The following GADL1 variants were observed in gnomAD, a reference collection of about 807,000 sequenced individuals.
The protein encoded by GADL1 is GAD like acidic amino acid decarboxylase 1.
A neutral mutation model predicts 69.5 loss-of-function variants in GADL1; 71 were observed. The observed-to-expected ratio is 1.02, with a 90% CI of 0.84 to 1.25. The LOEUF is 1.25. GADL1 is among the 50% of genes most tolerant of loss of function. GADL1 has a pLI of 0.00. For synonymous variants in GADL1, 254 were observed against 214.4 expected, an observed-to-expected ratio of 1.18 and a Z score of -1.62; for missense variants, 737 against 631.8, an observed-to-expected ratio of 1.17 and a Z score of -1.79.
intron 1 of GADL1, among the ~76,000 whole-genome samples, chr3:30,880,270 G>A (rs771953826): frequency 6.6e-5 from 10 of 151,804 alleles, no homozygotes; most frequent in South Asian, 2.1e-4. Flanking sequence ...GATGATTTAC[G>A]TATACAGGAG....
intron 8 of GADL1, among the ~76,000 whole-genome samples, chr3:30,842,821 TTAAA>T (rs1207627426): frequency 6.0e-5 from 4 of 66,464 alleles, no homozygotes; most frequent in East Asian, 6.6e-4. Flanking sequence ...ATTGGAATGT[TTAAA>T]AAAAAAAAAA....
rs145794576 is a variant in GADL1, at chr3:30,857,069, G to T, written c.283C>A (p.Pro95Thr). 1.9e-6 allele frequency: 3 copies of T among 1,549,816 alleles called. No individual in the cohort carries two copies. The Admixed American group carries it at 5.9e-5, about 30-fold the overall frequency. The change falls in exon 3 of 15, where the codon CCC (proline) becomes ACC (threonine). Residue 95 changes from proline (P) to threonine (T), a missense_variant. By Grantham distance (38) the Pro-to-Thr change is conservative (BLOSUM62 -1). Transcript: ENST00000282538. ...CGACAGAGTTCCAATAGTTTATGGG[G>T]TGGCTCGCCTGAGTCTCTCATCTCC... is the stretch of plus-strand genomic sequence containing the variant. ...DLEMRDSGEP[P>T]HKLLELCRDV...
Position 30,754,011 on chromosome 3 carries a change from T to TGAG in GADL1, c.1392+24165_1392+24167dup, listed in dbSNP as rs1286349510. ...ATTTTCCCAAGGAGGACTGAGGTGGTGAGGGCTACTTGCATTACCAATTGT... is the reference window on the plus strand; with the variant it reads ...ATTTTCCCAAGGAGGACTGAGGTGGTGAGGAGGGCTACTTGCATTACCAATTGT... On this transcript the variant is annotated intron_variant, in intron 14 of 14. Transcript: ENST00000282538. Among the ~76,000 whole-genome samples the TGAG allele has an allele frequency of 6.6e-5, 10 of 152,324 alleles. No individual in the cohort carries two copies. In the East Asian group the frequency reaches 1.9e-3, roughly 29 times the overall value.
intron 1 of GADL1, among the ~76,000 whole-genome samples, chr3:30,882,576 T>A (rs1698657618): frequency 6.6e-6 from 1 of 152,016 alleles, no homozygotes; most frequent in South Asian, 2.1e-4. Context: ...CAATGATGGA[T>A]ACTTGGGTAG....
At chr3:30,760,024 C>CT (rs1170208791) in intron 14 of GADL1, among the ~76,000 whole-genome samples, 1 of 152,160 alleles carries the variant, frequency 6.6e-6, no homozygotes, top group African/African-American at 2.4e-5. Flanking sequence ...TCCTTTTTAC[C>CT]TGCAGATTCA....
intron 9 of GADL1, among the ~76,000 whole-genome samples, chr3:30,836,969 A>AT (rs1697885387): frequency 6.6e-6 from 1 of 152,146 alleles, no homozygotes; most frequent in Non-Finnish European, 1.5e-5. Context: ...ACAGTATCAA[A>AT]TGTAAGCACC....
chr3:30,857,830 G>A (rs1336504032), intron 2 of GADL1, among the ~76,000 whole-genome samples: 1 of 151,912 alleles, frequency 6.6e-6, no homozygotes, highest in Non-Finnish European at 1.5e-5. Context: ...CTCTGCTCTT[G>A]ACACCCTAGC....
At chr3:30,838,508 A>G (rs1221446696) in intron 9 of GADL1, among the ~76,000 whole-genome samples, 1 of 152,258 alleles carries the variant, frequency 6.6e-6, no homozygotes, top group East Asian at 1.9e-4. Flanking sequence ...ATAGCATGCA[A>G]TTATGCATTG....
chr3:30,889,293 A>G (rs1698752807), intron 1 of GADL1, among the ~76,000 whole-genome samples: 1 of 152,012 alleles, frequency 6.6e-6, no homozygotes, highest in East Asian at 1.9e-4. Flanking sequence ...GGGAACTACA[A>G]TTCAAGATGA....
intron 13 of GADL1, among the ~76,000 whole-genome samples, chr3:30,781,873 A>G (rs116336724): frequency 8.1e-4 from 123 of 152,328 alleles, no homozygotes; most frequent in Non-Finnish European, 1.3e-3. Flanking sequence ...TTTAAAGTGG[A>G]TGAGTAGCTC....
intron 14 of GADL1, among the ~76,000 whole-genome samples, chr3:30,730,844 C>T (rs537173203): frequency 8.6e-5 from 13 of 151,612 alleles, no homozygotes; most frequent in East Asian, 1.9e-4. Context: ...AATGGGTCTG[C>T]GTGCATAAGC....
chr3:30,758,274 C>CAGCT (rs1337365441), intron 14 of GADL1, among the ~76,000 whole-genome samples: 1 of 152,184 alleles, frequency 6.6e-6, no homozygotes, highest in African/African-American at 2.4e-5. Context: ...ACACCTTTGA[C>CAGCT]AGCTTGGTGG....
chr3:30,766,164 C>T (rs754300101), intron 14 of GADL1, among the ~76,000 whole-genome samples: 15 of 152,168 alleles, frequency 9.9e-5, no homozygotes, highest in Non-Finnish European at 2.1e-4. Flanking sequence ...AAGTATATAT[C>T]TGAGGCCTCC....
chr3:30,894,179 A>C (rs185587638), intron 1 of GADL1, among the ~76,000 whole-genome samples: 3 of 152,326 alleles, frequency 2.0e-5, no homozygotes, highest in Non-Finnish European at 4.4e-5. Context: ...TTTATAGAAT[A>C]GCTGGCTGCA....
chr3:30,798,813 G>A (rs1211113106), intron 12 of GADL1: 2 of 152,166 alleles, frequency 1.3e-5, no homozygotes, highest in Non-Finnish European at 2.9e-5. Flanking sequence ...ACAGATATTG[G>A]GTAAATACAG....
chr3:30,894,544 A>T, intron 1 of GADL1, 34 bp downstream of exon 1: 1 of 1,536,688 alleles, frequency 6.5e-7, no homozygotes, highest in Non-Finnish European at 8.8e-7. Context: ...AGGGGAGGTT[A>T]AGGACAAAAA....
At chr3:30,851,264 G>A (rs550928504) in intron 4 of GADL1, among the ~76,000 whole-genome samples, 7 of 152,246 alleles carry the variant, frequency 4.6e-5, no homozygotes, top group Non-Finnish European at 1.0e-4. Flanking sequence ...ATTTCACTCT[G>A]TGGATGCTTG....
At chr3:30,800,592 A>G (rs1697138411) in intron 12 of GADL1, 2 of 398,490 alleles carry the variant, frequency 5.0e-6, no homozygotes, top group Non-Finnish European at 4.7e-6. Flanking sequence ...CTTGGACTCT[A>G]TACCTCACCT....
intron 13 of GADL1, among the ~76,000 whole-genome samples, chr3:30,785,455 C>T (rs1472246631): frequency 6.7e-6 from 1 of 149,388 alleles, no homozygotes; most frequent in Non-Finnish European, 1.5e-5. Flanking sequence ...CGCGATAGCT[C>T]ACCGCAACCA....
Sources: gnomAD v4.1 joint callset for allele counts (sites outside exome capture counted in the v4.1 genomes callset) on GRCh38, gnomAD v4.1.1 for gene constraint, MANE v1.5 for transcripts, NCBI Gene and HGNC (gene_info 2026-07-23, HGNC 2026-07-21) for gene names.